The following FAM83D variants were observed in gnomAD, a reference collection of about 807,000 sequenced individuals.
The protein encoded by FAM83D is protein FAM83D.
FAM83D carries 26 observed loss-of-function variants against 25.4 expected under a neutral mutation model. The observed-to-expected ratio is 1.02, with a 90% CI of 0.75 to 1.42. The LOEUF is 1.42. FAM83D is among the 40% of genes most tolerant of loss of function. The probability of loss-of-function intolerance (pLI) is 0.00; values close to 1 mark genes in which losing one functional copy is unlikely to be tolerated. For synonymous variants in FAM83D, 310 were observed against 318.5 expected, an observed-to-expected ratio of 0.97 and a Z score of 0.28; for missense variants, 740 against 758.1, an observed-to-expected ratio of 0.98 and a Z score of 0.28.
intron 3 of FAM83D, 132 bp downstream of exon 3, chr20:38,948,132 A>G (rs901594763): frequency 6.3e-6 from 7 of 1,107,834 alleles, no homozygotes; most frequent in African/African-American, 4.8e-5. Context: ...GCATCTGTGT[A>G]TAGCAGCTGG....
At position 38,947,639 on chromosome 20, in the gene FAM83D, T is replaced by C. The variant is rs573976694; in HGVS notation, c.652-237T>C. On this transcript the variant is annotated intron_variant, in intron 2 of 3. Transcript: ENST00000619850. Reference sequence around the variant, plus strand: ...ATGAACTAAGGGTCTCAAAAGTAAATATAAGAAAAGAACAGATGAGAAGAT... The same window carrying C: ...ATGAACTAAGGGTCTCAAAAGTAAACATAAGAAAAGAACAGATGAGAAGAT... 1.4e-4 allele frequency among the ~76,000 whole-genome samples: 22 copies of C among 152,276 alleles called. No individual in the cohort carries two copies. In the East Asian group the frequency reaches 4.0e-3, roughly 28 times the overall value.
chr20:38,926,843 A>C lies in FAM83D; in HGVS notation c.401A>C (p.His134Pro), dbSNP rs61753646. 1 of 1,531,250 alleles carries C rather than the reference A, an allele frequency of 6.5e-7. No homozygotes were observed. Among genetic ancestry groups the C allele is most frequent in the South Asian group, 1.2e-5 (1 of 83,416 alleles). 94.9% of individuals were successfully genotyped at this position (1,531,250 alleles called of 1,614,324 possible). The change falls in exon 1 of 4, where the codon CAC becomes CCC. Residue 134 changes from histidine (H) to proline (P), a missense_variant. By Grantham distance (77) the His-to-Pro change is moderately conservative (BLOSUM62 -2). This residue lies in a region of FAM83D where 333 missense variants were observed against 298.6 expected (regional missense o/e 1.12). Coordinates refer to ENST00000619850, the MANE Select transcript of FAM83D (RefSeq NM_030919.3). ...CGCGGCGCCACGCGTGTCGAGACGCACTTCCAGCCCCGCGGCGCTGGCGAA... is the reference window on the plus strand; with the variant it reads ...CGCGGCGCCACGCGTGTCGAGACGCCCTTCCAGCCCCGCGGCGCTGGCGAA... ...AYRGATRVET[H>P]FQPRGAGEGG...
chr20:38,928,250 G>T (rs929233576), intron 1 of FAM83D, among the ~76,000 whole-genome samples: 2 of 152,212 alleles, frequency 1.3e-5, no homozygotes, highest in Admixed American at 1.3e-4. Context: ...TCTGAGTGTG[G>T]GTGAAGATAC....
Position 38,952,238 on chromosome 20 carries a change from T to C in FAM83D, c.1476T>C (p.Gly492=). 1 of 1,614,134 alleles carries C rather than the reference T, an allele frequency of 6.2e-7. No homozygotes were observed. The highest frequency in any genetic ancestry group is 8.5e-7 in the Non-Finnish European group (1 of 1,180,030). Residue 492 remains glycine, a synonymous_variant, in exon 4 of 4, where the codon GGT becomes GGC. Coordinates refer to ENST00000619850, the MANE Select transcript of FAM83D (RefSeq NM_030919.3). ...SSQGSVASST[G]SPASIRTTDF... ...AAGGCTCTGTGGCAAGCTCCACTGG[T>C]TCTCCCGCTTCCATCAGAACCACTG...
intron 1 of FAM83D, among the ~76,000 whole-genome samples, chr20:38,931,890 T>C (rs2085660249): frequency 6.6e-6 from 1 of 152,162 alleles, no homozygotes; most frequent in African/African-American, 2.4e-5. Context: ...TGAGGAGAAA[T>C]AAAGGGCAGG....
chr20:38,926,432 C>G lies in FAM83D; in HGVS notation c.-11C>G. 1 of 1,597,792 alleles carries G rather than the reference C, an allele frequency of 6.3e-7. No homozygotes were observed. Among genetic ancestry groups the G allele is most frequent in the Non-Finnish European group, 8.5e-7 (1 of 1,178,612 alleles). ...GTTTTTGTCCGAGGGCTGTCGAGTC[C>G]GAGCGCCGCCATGGCTCTGCTGTCC... On this transcript the variant is annotated 5_prime_UTR_variant, in exon 1 of 4. Coordinates refer to ENST00000619850, the MANE Select transcript of FAM83D (RefSeq NM_030919.3).
At chr20:38,932,892 C>T (rs1328045050) in intron 1 of FAM83D, among the ~76,000 whole-genome samples, 1 of 152,202 alleles carries the variant, frequency 6.6e-6, no homozygotes. Flanking sequence ...CTCTTGATAA[C>T]CTGAGCGTTA....
At chr20:38,938,067 A>C (rs1198054920) in intron 1 of FAM83D, among the ~76,000 whole-genome samples, 1 of 152,214 alleles carries the variant, frequency 6.6e-6, no homozygotes, top group Non-Finnish European at 1.5e-5. Context: ...CATCAACCCT[A>C]CGCACCCTGA....
rs754952124 is a variant in FAM83D at position 38,952,299 on chromosome 20, AC to A, written c.1543del (p.His515ThrfsTer6). On this transcript the variant is annotated frameshift_variant, in exon 4 of 4. Coordinates refer to ENST00000619850, the MANE Select transcript of FAM83D (RefSeq NM_030919.3). LOFTEE classifies it high-confidence loss of function. ...TCCTGGCTATCCCAAGTACCTGGGCACCCCCCACCTGGAACTGTACTTGAGT... is the reference window on the plus strand; with the variant it reads ...TCCTGGCTATCCCAAGTACCTGGGCACCCCCACCTGGAACTGTACTTGAGT... ...HNPGYPKYLGTPHLELYLSDS... is the reference protein window; with the variant it reads ...HNPGYPKYLGXPHLELYLSDS... 3 of 1,613,882 alleles carry A rather than the reference AC, an allele frequency of 1.9e-6. No homozygotes were observed. Among genetic ancestry groups the A allele is most frequent in the South Asian group, 2.2e-5 (2 of 91,078 alleles).
rs747363365 is a variant in FAM83D at position 38,926,590 on chromosome 20, T to TA, written c.148_149insA (p.Phe50TyrfsTer15). On this transcript the variant is annotated frameshift_variant, in exon 1 of 4. Transcript: ENST00000619850. LOFTEE classifies it high-confidence loss of function. Reference sequence around the variant, plus strand: ...GGGCGGCCCCGAAGCCTTCGCGGCCTTCCTGCGACGCGAGCGCCTGGCTCG... The same window carrying TA: ...GGGCGGCCCCGAAGCCTTCGCGGCCTATCCTGCGACGCGAGCGCCTGGCTCG... The TA allele has an allele frequency of 4.3e-5, 67 of 1,550,122 alleles. No individual in the cohort carries two copies. Among genetic ancestry groups the TA allele is most frequent in the Non-Finnish European group, 5.5e-5 (64 of 1,154,442 alleles).
intron 1 of FAM83D, among the ~76,000 whole-genome samples, chr20:38,929,734 C>T (rs144559064): frequency 2.0e-5 from 3 of 150,288 alleles, no homozygotes; most frequent in Admixed American, 6.7e-5. Flanking sequence ...ACTATGACTA[C>T]GCTGTGAATG....
rs2085763247 is a variant in FAM83D at position 38,952,882 on chromosome 20, A to T, written c.*362A>T. ...TTTTCTGTGTTTAGATACAAATACC[A>T]TTATGTTACAGTTGCCTACAGTATT... On this transcript the variant is annotated 3_prime_UTR_variant, in exon 4 of 4. Coordinates refer to ENST00000619850, the MANE Select transcript of FAM83D (RefSeq NM_030919.3). 4.2e-6 allele frequency: 1 copy of T among 240,600 alleles called. No individual in the cohort carries two copies. Among genetic ancestry groups the T allele is most frequent in the Non-Finnish European group, 8.1e-6 (1 of 123,374 alleles). The allele number at this position is 240,600 out of a possible 1,614,324, so 14.9% of individuals were successfully genotyped here. A position where few individuals can be genotyped will look rare whatever the true frequency, so the allele number is the denominator to read the frequency against.
intron 1 of FAM83D, among the ~76,000 whole-genome samples, chr20:38,932,590 C>T (rs148265829): frequency 6.6e-6 from 1 of 152,322 alleles, no homozygotes; most frequent in African/African-American, 2.4e-5. Context: ...TGTAGATCCA[C>T]CCCTCCACCA....
At chr20:38,926,970 C>T (rs2085638798) in intron 1 of FAM83D, 45 bp downstream of exon 1, 1 of 1,404,800 alleles carries the variant, frequency 7.1e-7, no homozygotes, top group Non-Finnish European at 9.2e-7. Context: ...AGACCCCCTT[C>T]AAGAATGGGA....
At chr20:38,947,014 C>T (rs886923204) in intron 2 of FAM83D, among the ~76,000 whole-genome samples, 2 of 152,164 alleles carry the variant, frequency 1.3e-5, no homozygotes, top group African/African-American at 4.8e-5. Flanking sequence ...TGTCTCACGG[C>T]TTGGCACATA....
In FAM83D at chr20:38,952,150, CA is replaced by C; in HGVS notation, c.1389del (p.Val464SerfsTer12). The C allele has an allele frequency of 6.2e-7, 1 of 1,614,056 alleles. No individual in the cohort carries two copies. The highest frequency in any genetic ancestry group is 2.2e-5 in the East Asian group (1 of 44,892). On this transcript the variant is annotated frameshift_variant, in exon 4 of 4. Coordinates refer to ENST00000619850, the MANE Select transcript of FAM83D (RefSeq NM_030919.3). LOFTEE classifies it low-confidence loss of function (END_TRUNC). Reference sequence around the variant, plus strand: ...GGAACTCAATCTACAGAAGGGTCACCAGTCTCAAAAATGTCTGTATCGAGAT... The same window carrying C: ...GGAACTCAATCTACAGAAGGGTCACCGTCTCAAAAATGTCTGTATCGAGAT... ...PRGTQSTEGS[P>X]VSKMSVSRSS...
intron 1 of FAM83D, among the ~76,000 whole-genome samples, chr20:38,934,533 TAACCTCTGG>T (rs1252091881): frequency 6.6e-6 from 1 of 151,330 alleles, no homozygotes; most frequent in African/African-American, 2.4e-5. Context: ...GCAAATGATA[TAACCTCTGG>T]AAGGGAATTT....
At position 38,926,754 on chromosome 20, in the gene FAM83D, G is replaced by T; in HGVS notation, c.312G>T (p.Glu104Asp). The T allele has an allele frequency of 6.5e-7, 1 of 1,540,214 alleles. No individual in the cohort carries two copies. Residue 104 changes from glutamate (E) to aspartate (D), a missense_variant, in exon 1 of 4, where the codon GAG becomes GAT. Around this residue, in one of 3 missense-constraint regions of FAM83D, gnomAD observed 333 missense variants for 298.6 expected, o/e 1.12. Transcript: ENST00000619850. The part of the protein sequence containing the change: ...HDCSSGTYFP[E>D]QSDLEPPLLE... Reference sequence around the variant, plus strand: ...GCTCTTCGGGCACCTACTTCCCCGAGCAGTCGGACCTGGAGCCACCGCTGT... The same window carrying T: ...GCTCTTCGGGCACCTACTTCCCCGATCAGTCGGACCTGGAGCCACCGCTGT...
intron 1 of FAM83D, among the ~76,000 whole-genome samples, chr20:38,940,341 T>C (rs557594372): frequency 6.6e-6 from 1 of 152,224 alleles, no homozygotes; most frequent in South Asian, 2.1e-4. Flanking sequence ...CCTGGAGTGT[T>C]GGAGAAAGAC....
Sources: gnomAD v4.1 joint callset for allele counts (sites outside exome capture counted in the v4.1 genomes callset) on GRCh38, gnomAD v4.1.1 for gene constraint, gnomAD v4.1.1 regional missense constraint, MANE v1.5 for transcripts, NCBI Gene and HGNC (gene_info 2026-07-23, HGNC 2026-07-21) for gene names.